The following MTHFD1L variants were observed in gnomAD, a reference collection of about 807,000 sequenced individuals.
MTHFD1L encodes methylenetetrahydrofolate dehydrogenase (NADP+ dependent) 1 like, also known as monofunctional C1-tetrahydrofolate synthase, mitochondrial.
Under a neutral mutation model 119.5 loss-of-function variants are expected in MTHFD1L, and 81 were observed. The observed-to-expected ratio is 0.68, with a 90% CI of 0.57 to 0.82. The LOEUF (loss-of-function observed/expected upper bound fraction) is 0.82, where lower values mean the gene tolerates loss of function less well. Ranked by LOEUF, MTHFD1L falls within the 40% of genes least tolerant of loss-of-function variation. The pLI is 0.00. For synonymous variants in MTHFD1L, 430 were observed against 475.2 expected (o/e 0.90, Z 1.24); for missense variants, 1,125 against 1,253.4 (o/e 0.90, Z 1.55).
chr6:150,929,787 A>AC (rs1790693825), intron 11 of MTHFD1L, among the ~76,000 whole-genome samples: 1 of 152,260 alleles, frequency 6.6e-6, no homozygotes, highest in Non-Finnish European at 1.5e-5. Context: ...CAAGGGATCA[A>AC]CAATTCTTTT....
chr6:151,015,700 T>A lies in MTHFD1L; in HGVS notation c.2586+7T>A, dbSNP rs1353176874. 1.2e-6 allele frequency: 2 copies of A among 1,612,406 alleles called. No individual in the cohort carries two copies. Among genetic ancestry groups the A allele is most frequent in the Non-Finnish European group, 1.7e-6 (2 of 1,179,324 alleles). The stretch of plus-strand genomic sequence containing the variant: ...GTTCCTGTATGATGTTCAGGTAAGA[T>A]CTAGTAAAAACAATGGCTCACATTT... On this transcript the variant is annotated splice_region_variant and intron_variant, in intron 24 of 27. Coordinates refer to ENST00000367321, the MANE Select transcript of MTHFD1L (RefSeq NM_015440.5).
chr6:151,069,684 G>A (rs1791740570), intron 26 of MTHFD1L, among the ~76,000 whole-genome samples: 2 of 152,130 alleles, frequency 1.3e-5, no homozygotes, highest in South Asian at 2.1e-4. Flanking sequence ...TTACCAGCCT[G>A]TCCAGGGATC....
intron 15 of MTHFD1L, among the ~76,000 whole-genome samples, chr6:150,946,827 G>A (rs577106359): frequency 6.6e-6 from 1 of 151,950 alleles, no homozygotes; most frequent in South Asian, 2.1e-4. Flanking sequence ...TGTAATCCCA[G>A]CACTTTGGGA....
At chr6:151,072,441 C>T (rs553702442) in intron 26 of MTHFD1L, among the ~76,000 whole-genome samples, 3 of 152,252 alleles carry the variant, frequency 2.0e-5, no homozygotes, top group Admixed American at 6.5e-5. Context: ...AAAATTCACA[C>T]TTATATTTAT....
At chr6:150,871,480 A>G (rs1779478344) in intron 1 of MTHFD1L, among the ~76,000 whole-genome samples, 1 of 147,070 alleles carries the variant, frequency 6.8e-6, no homozygotes. Context: ...AGTACTTGAT[A>G]TCAACTACTG....
At chr6:150,904,895 G>A (rs1449012425) in intron 7 of MTHFD1L, among the ~76,000 whole-genome samples, 2 of 152,132 alleles carry the variant, frequency 1.3e-5, no homozygotes, top group African/African-American at 4.8e-5. Context: ...CAAAGAAAGT[G>A]AAATTCTTTC....
chr6:150,935,123 G>T, intron 11 of MTHFD1L: 3 of 1,613,724 alleles, frequency 1.9e-6, no homozygotes, highest in Non-Finnish European at 2.5e-6. Context: ...ACCTACCAAA[G>T]GATTTAACAC....
chr6:151,036,236 C>T (rs930377920), intron 25 of MTHFD1L, among the ~76,000 whole-genome samples: 1 of 152,144 alleles, frequency 6.6e-6, no homozygotes, highest in Non-Finnish European at 1.5e-5. Context: ...GGCAACATAG[C>T]AAAACCTCCA....
intron 20 of MTHFD1L, among the ~76,000 whole-genome samples, chr6:150,998,060 C>G (rs780133335): frequency 9.2e-5 from 14 of 152,160 alleles, no homozygotes; most frequent in Non-Finnish European, 1.8e-4. Context: ...TATATGACAC[C>G]ATGTGTGTGC....
intron 26 of MTHFD1L, among the ~76,000 whole-genome samples, chr6:151,087,383 G>A (rs1793923513): frequency 1.3e-5 from 2 of 152,058 alleles, no homozygotes; most frequent in African/African-American, 2.4e-5. Flanking sequence ...CCATCCATCA[G>A]AGAAGGAAAG....
chr6:151,099,461 T>A (rs1367650369), intron 27 of MTHFD1L: 1 of 1,017,388 alleles, frequency 9.8e-7, no homozygotes, highest in Non-Finnish European at 1.5e-6. Context: ...TTCTTTTTTT[T>A]TTTTTGCCCT....
intron 15 of MTHFD1L, among the ~76,000 whole-genome samples, chr6:150,947,246 C>A (rs1794124967): frequency 6.6e-6 from 1 of 150,782 alleles, no homozygotes; most frequent in Non-Finnish European, 1.5e-5. Flanking sequence ...AGGTGCCCAC[C>A]ACCATGCCAG....
intron 26 of MTHFD1L, among the ~76,000 whole-genome samples, chr6:151,049,423 C>T (rs536126243): frequency 8.1e-5 from 12 of 148,974 alleles, no homozygotes; most frequent in South Asian, 2.1e-4. Context: ...ACCCGGGAGG[C>T]GGAGCTTGCA....
intron 20 of MTHFD1L, among the ~76,000 whole-genome samples, chr6:150,975,719 G>C (rs548727392): frequency 2.0e-5 from 3 of 151,538 alleles, no homozygotes; most frequent in African/African-American, 7.3e-5. Context: ...ACTTGGGCTC[G>C]CCCTGGCCCC....
intron 24 of MTHFD1L, among the ~76,000 whole-genome samples, chr6:151,024,285 A>G (rs1193916230): frequency 6.6e-6 from 1 of 152,196 alleles, no homozygotes; most frequent in African/African-American, 2.4e-5. Flanking sequence ...CATGCCTGTA[A>G]TCCTAGCACT....
intron 3 of MTHFD1L, 31 bp from the exon 4 acceptor site, chr6:150,877,742 A>G: frequency 6.2e-7 from 1 of 1,614,224 alleles, no homozygotes. Context: ...ATTCTCTTAT[A>G]GTGACGAATA....
rs200434757 is a variant in MTHFD1L, at chr6:150,945,481, G to T, written c.1563G>T (p.Arg521=). ...NTQTDKALYN[R]LVPLVNGVRE... is the part of the protein sequence containing the mutation. ...TGTGTTTTTAGGCTCTGTATAATCGGCTGGTTCCTTTAGTGAATGGTGTCA... is the reference window on the plus strand; with the variant it reads ...TGTGTTTTTAGGCTCTGTATAATCGTCTGGTTCCTTTAGTGAATGGTGTCA... Residue 521 remains arginine (R), a synonymous_variant, in exon 15 of 28, where the codon CGG becomes CGT. Coordinates refer to ENST00000367321, the MANE Select transcript of MTHFD1L (RefSeq NM_015440.5). 3.7e-6 allele frequency: 6 copies of T among 1,613,740 alleles called. No homozygotes were observed. The highest frequency in any genetic ancestry group is 1.6e-4 in the Middle Eastern group (1 of 6,062).
At chr6:151,081,906 C>G (rs974718583) in intron 26 of MTHFD1L, among the ~76,000 whole-genome samples, 3 of 152,098 alleles carry the variant, frequency 2.0e-5, no homozygotes, top group Non-Finnish European at 2.9e-5. Context: ...CCATCCTCCC[C>G]ACCCCTTCCT....
Position 150,936,881 on chromosome 6 carries a change from A to G in MTHFD1L, c.1334A>G (p.Asn445Ser). 2 of 1,614,196 alleles carry G rather than the reference A, an allele frequency of 1.2e-6. No individual in the cohort carries two copies. Among genetic ancestry groups the G allele is most frequent in the Non-Finnish European group, 1.7e-6 (2 of 1,180,026 alleles). ...GLVQALTAHLNVNSFACLRQP... is the reference protein window; with the variant it reads ...GLVQALTAHLSVNSFACLRQP... ...GTGCAGGCTCTGACCGCACACCTGA[A>G]TGTCAACTCCTTTGCCTGCTTGAGG... Residue 445 changes from asparagine (N) to serine (S), a missense_variant, in exon 12 of 28, where the codon AAT becomes AGT. This residue lies in a region of MTHFD1L where 1,058 missense variants were observed against 1,151.2 expected (regional missense o/e 0.92). Transcript: ENST00000367321.
Sources: gnomAD v4.1 joint callset for allele counts (sites outside exome capture counted in the v4.1 genomes callset) on GRCh38, gnomAD v4.1.1 for gene constraint, gnomAD v4.1.1 regional missense constraint, MANE v1.5 for transcripts, NCBI Gene and HGNC (gene_info 2026-07-23, HGNC 2026-07-21) for gene names.